Variants in COL4A3 observed in about 807,000 individuals in gnomAD.
COL4A3 encodes the protein collagen type IV alpha 3 chain, also known as collagen alpha-3(IV) chain.
In COL4A3, 135 loss-of-function variants were observed where a neutral mutation model predicts 217.4. The observed-to-expected ratio is 0.62, with a 90% CI of 0.54 to 0.72. The LOEUF is 0.72. COL4A3 is among the 30% of genes least tolerant of loss of function. COL4A3 has a pLI of 0.00. For missense variants in COL4A3, 1,868 were observed against 2,119.9 expected (o/e 0.88, Z 2.33); for synonymous variants, 690 against 736.3 (o/e 0.94, Z 1.02).
chr2:227,294,505 A>C lies in COL4A3; in HGVS notation c.3353A>C (p.His1118Pro). 6.2e-7 allele frequency: 1 copy of C among 1,612,410 alleles called. No homozygotes were observed. The highest frequency in any genetic ancestry group is 1.3e-5 in the African/African-American group (1 of 74,966). Residue 1118 changes from histidine to proline, a missense_variant, in exon 39 of 52, where the codon CAT (histidine) becomes CCT (proline). His to Pro is a moderately conservative substitution (Grantham distance 77, BLOSUM62 -2). Coordinates refer to ENST00000396578, the MANE Select transcript of COL4A3 (RefSeq NM_000091.5). ...SPGLPGKPGP[H>P]GDLGFKGIKG... Reference sequence around the variant, plus strand: ...TCATTTCCAGGAAAGCCAGGTCCTCATGGTGATTTGGGTTTTAAAGGAATC... The same window carrying C: ...TCATTTCCAGGAAAGCCAGGTCCTCCTGGTGATTTGGGTTTTAAAGGAATC...
intron 50 of COL4A3, 86 bp downstream of exon 50, chr2:227,309,404 C>A: frequency 2.0e-6 from 2 of 992,798 alleles, no homozygotes; most frequent in South Asian, 2.7e-5. Context: ...TTCCCAGGGT[C>A]GATGCTGCCT....
rs2106246658 is a variant in COL4A3 at position 227,297,674 on chromosome 2, G to A, written c.3566G>A (p.Gly1189Glu). ...PGPRGNPGAQ[G>E]AKGDRGAPGF... is the part of the protein sequence containing the mutation. ...ACTTATTAAGCCTTCTTCTTTGCAG[G>A]AGCCAAAGGAGACAGGGGAGCCCCA... Residue 1189 changes from glycine (G) to glutamate (E), a missense_variant and splice_region_variant, in exon 42 of 52, where the codon GGA becomes GAA. Physicochemically the swap from Gly to Glu is moderately conservative, Grantham distance 98. Transcript: ENST00000396578. The A allele has an allele frequency of 1.9e-6, 3 of 1,605,970 alleles. No homozygotes were observed. Among genetic ancestry groups the A allele is most frequent in the Non-Finnish European group, 1.7e-6 (2 of 1,177,126 alleles).
intron 1 of COL4A3, among the ~76,000 whole-genome samples, chr2:227,195,910 C>CA (rs56214927): frequency 2.0e-5 from 3 of 150,392 alleles, no homozygotes; most frequent in Non-Finnish European, 3.0e-5. Flanking sequence ...GTATTCTTAA[C>CA]AAAAAAAGCT....
chr2:227,251,450 TG>T, intron 11 of COL4A3, 79 bp downstream of exon 11: 1 of 1,374,530 alleles, frequency 7.3e-7, no homozygotes, highest in Non-Finnish European at 1.0e-6. Flanking sequence ...CTTCTTCATG[TG>T]GGTCACTGTT....
intron 41 of COL4A3, among the ~76,000 whole-genome samples, chr2:227,295,745 C>T (rs1184729139): frequency 6.6e-6 from 1 of 152,126 alleles, no homozygotes; most frequent in African/African-American, 2.4e-5. Context: ...CCAGATCCAG[C>T]TTGCGGTCCA....
intron 9 of COL4A3, among the ~76,000 whole-genome samples, chr2:227,249,212 G>GCATATATATATATATATA (rs1553751604): frequency 6.0e-5 from 2 of 33,232 alleles, no homozygotes; most frequent in Non-Finnish European, 1.2e-4. Context: ...AAATTAGCTA[G>GCATATATATATATATATA]TATATATATA....
Position 227,254,123 on chromosome 2 carries a change from G to A in COL4A3, c.777G>A (p.Gly259=), listed in dbSNP as rs745648870. The change falls in exon 14 of 52, where the codon GGG becomes GGA. Residue 259 remains glycine, a synonymous_variant. Transcript: ENST00000396578. ...TGTTTCTTTGGCAGGACCTCAAGGG[G>A]GAAAAGGGAGACAAGGGAGCAATGG... ...TGPDNRTDLK[G]EKGDKGAMGE... is the part of the protein sequence containing the mutation. The A allele has an allele frequency of 1.2e-6, 2 of 1,613,910 alleles. No individual in the cohort carries two copies. Among genetic ancestry groups the A allele is most frequent in the Non-Finnish European group, 1.7e-6 (2 of 1,179,888 alleles).
At chr2:227,203,541 A>G (rs868761426) in intron 1 of COL4A3, among the ~76,000 whole-genome samples, 5 of 32,634 alleles carry the variant, frequency 1.5e-4, no homozygotes, top group Non-Finnish European at 1.6e-4. Context: ...ATATACATAT[A>G]TGTGTGTATA....
chr2:227,297,959 C>T (rs904327723), intron 42 of COL4A3, 100 bp downstream of exon 42: 2 of 1,335,964 alleles, frequency 1.5e-6, no homozygotes, highest in South Asian at 1.3e-5. Flanking sequence ...CTTCTTCTTT[C>T]CCTGTGGTCA....
intron 1 of COL4A3, among the ~76,000 whole-genome samples, chr2:227,174,786 C>T (rs186485275): frequency 1.3e-5 from 2 of 152,250 alleles, no homozygotes; most frequent in East Asian, 1.9e-4. Flanking sequence ...GGATTATAGG[C>T]GTGAGCCCCT....
chr2:227,298,854 T>G, intron 43 of COL4A3, 42 bp downstream of exon 43: 1 of 1,564,308 alleles, frequency 6.4e-7, no homozygotes, highest in Non-Finnish European at 8.8e-7. Flanking sequence ...TAATTCAATA[T>G]CAACTTATAA....
In COL4A3 at chr2:227,238,011, C is replaced by A. The variant is rs759316147; in HGVS notation, c.131C>A (p.Ala44Asp). Residue 44 changes from alanine to aspartate, a missense_variant, in exon 2 of 52, where the codon GCC becomes GAC. Coordinates refer to ENST00000396578, the MANE Select transcript of COL4A3 (RefSeq NM_000091.5). ...KDKGQCFCDG[A>D]KGEKGEKGFP... ...AAAGGCCAGTGCTTCTGTGACGGGGCCAAAGGGGAGAAGGTAAAAACAAAC... is the reference window on the plus strand; with the variant it reads ...AAAGGCCAGTGCTTCTGTGACGGGGACAAAGGGGAGAAGGTAAAAACAAAC... 9.3e-6 allele frequency: 15 copies of A among 1,606,178 alleles called. No homozygotes were observed. The highest frequency in any genetic ancestry group is 1.3e-5 in the Non-Finnish European group (15 of 1,173,200).
At chr2:227,212,375 T>G (rs1007791795) in intron 1 of COL4A3, among the ~76,000 whole-genome samples, 20 of 152,230 alleles carry the variant, frequency 1.3e-4, no homozygotes, top group African/African-American at 4.6e-4. Flanking sequence ...AGATACCCTC[T>G]GAAACTTCCC....
intron 1 of COL4A3, among the ~76,000 whole-genome samples, chr2:227,199,444 G>GT (rs2066602695): frequency 6.6e-6 from 1 of 152,186 alleles, no homozygotes; most frequent in Admixed American, 6.5e-5. Context: ...TCAATGCCCT[G>GT]TTGTAGTTCA....
chr2:227,236,308 T>A (rs2068696305), intron 1 of COL4A3, among the ~76,000 whole-genome samples: 1 of 152,238 alleles, frequency 6.6e-6, no homozygotes. Context: ...ATGAACATGA[T>A]GAGTGTCAAA....
At chr2:227,246,787 C>A in intron 7 of COL4A3, 49 bp downstream of exon 7, 1 of 1,469,974 alleles carries the variant, frequency 6.8e-7, no homozygotes, top group Non-Finnish European at 9.5e-7. Context: ...GTATAAATAA[C>A]AGTGGTCTAC....
At chr2:227,288,411 G>A (rs941037477) in intron 34 of COL4A3, among the ~76,000 whole-genome samples, 2 of 151,964 alleles carry the variant, frequency 1.3e-5, no homozygotes, top group Non-Finnish European at 2.9e-5. Context: ...GACTATTTAT[G>A]AACAGGAGAA....
intron 1 of COL4A3, among the ~76,000 whole-genome samples, chr2:227,228,878 A>G (rs560758469): frequency 6.6e-6 from 1 of 152,292 alleles, no homozygotes; most frequent in South Asian, 2.1e-4. Context: ...TCAACTCAGG[A>G]GCACCTAATG....
intron 1 of COL4A3, among the ~76,000 whole-genome samples, chr2:227,193,204 C>T (rs1333366542): frequency 6.6e-6 from 1 of 151,944 alleles, no homozygotes; most frequent in African/African-American, 2.4e-5. Flanking sequence ...AATTTGACCA[C>T]AAAGAAACAA....
Sources: gnomAD v4.1 joint callset for allele counts (sites outside exome capture counted in the v4.1 genomes callset) on GRCh38, gnomAD v4.1.1 for gene constraint, MANE v1.5 for transcripts, NCBI Gene and HGNC (gene_info 2026-07-23, HGNC 2026-07-21) for gene names.